Variants in TLN2 observed in about 807,000 individuals in gnomAD.
TLN2 encodes talin-2.
In TLN2, 118 loss-of-function variants were observed where a neutral mutation model predicts 294.7. That is an observed-to-expected ratio of 0.40 (90% CI 0.34 to 0.47). The LOEUF is 0.47. TLN2 is among the 20% of genes least tolerant of loss of function. The pLI is 0.84. For synonymous variants in TLN2, 1,431 were observed against 1,304.5 expected (o/e 1.10, Z -2.09); for missense variants, 3,083 against 3,282.2 (o/e 0.94, Z 1.48).
At chr15:62,632,414 T>C (rs182292014) in intron 3 of TLN2, among the ~76,000 whole-genome samples, 1 of 152,346 alleles carries the variant, frequency 6.6e-6, no homozygotes, top group African/African-American at 2.4e-5. Flanking sequence ...GGAAGGACTT[T>C]AGTGATCAGA....
chr15:62,501,629 AT>A (rs2039312944), intron 1 of TLN2, among the ~76,000 whole-genome samples: 1 of 152,154 alleles, frequency 6.6e-6, no homozygotes, highest in Admixed American at 6.5e-5. Context: ...TGGCTGACAA[AT>A]ATTTTTTGGA....
At chr15:62,724,570 C>T (rs2060333371) in intron 26 of TLN2, among the ~76,000 whole-genome samples, 1 of 152,124 alleles carries the variant, frequency 6.6e-6, no homozygotes, top group African/African-American at 2.4e-5. Context: ...CATAGACTTG[C>T]CCCCAGAGTC....
intron 1 of TLN2, among the ~76,000 whole-genome samples, chr15:62,494,392 A>G (rs1173260310): frequency 6.6e-6 from 1 of 152,122 alleles, no homozygotes; most frequent in Non-Finnish European, 1.5e-5. Flanking sequence ...GGATTTGTAC[A>G]TGGTGTTAAT....
intron 1 of TLN2, among the ~76,000 whole-genome samples, chr15:62,531,418 A>T (rs2041035127): frequency 6.6e-6 from 1 of 152,156 alleles, no homozygotes; most frequent in Non-Finnish European, 1.5e-5. Flanking sequence ...GGTTGGGGAG[A>T]TGATGGTCAA....
Position 62,511,229 on chromosome 15 carries a change from G to A in TLN2, c.-237-78458G>A, listed in dbSNP as rs57760593. ...GACATATGAACGTGGTAAAATATAC[G>A]GGCTTCCGATGAGTCTATTAGTGTG... On this transcript the variant is annotated intron_variant, in intron 1 of 58. Transcript: ENST00000636159. Among the ~76,000 whole-genome samples the A allele has an allele frequency of 3.3e-5, 5 of 152,114 alleles. No homozygotes were observed. The South Asian group carries it at 1.0e-3, about 32-fold the overall frequency.
At chr15:62,759,668 G>T (rs1168428963) in intron 37 of TLN2, among the ~76,000 whole-genome samples, 1 of 152,200 alleles carries the variant, frequency 6.6e-6, no homozygotes, top group Non-Finnish European at 1.5e-5. Context: ...CAGGAAGGGC[G>T]AGCAGCACCA....
chr15:62,412,079 T>C (rs1253351040), intron 1 of TLN2, among the ~76,000 whole-genome samples: 1 of 151,494 alleles, frequency 6.6e-6, no homozygotes. Context: ...ATCATAAGTC[T>C]CTTTGTCCCT....
intron 1 of TLN2, among the ~76,000 whole-genome samples, chr15:62,452,617 C>A (rs1472396177): frequency 6.6e-6 from 1 of 152,210 alleles, no homozygotes; most frequent in Non-Finnish European, 1.5e-5. Context: ...CCCTCCAGCC[C>A]TTGGCAACCA....
chr15:62,735,990 A>G (rs112784715), intron 28 of TLN2, among the ~76,000 whole-genome samples: 1,677 of 152,276 alleles, frequency 0.011, 26 homozygotes, highest in African/African-American at 0.037. Flanking sequence ...AAGAATATAT[A>G]TATGTGGTTC....
chr15:62,683,506 TCA>T (rs1197685979), intron 11 of TLN2, among the ~76,000 whole-genome samples: 13 of 137,924 alleles, frequency 9.4e-5, no homozygotes, highest in Non-Finnish European at 3.2e-5. Context: ...CTCCCGCCTC[TCA>T]TTGGTAGAAT....
intron 1 of TLN2, among the ~76,000 whole-genome samples, chr15:62,504,993 G>A (rs984633749): frequency 6.6e-6 from 1 of 152,100 alleles, no homozygotes; most frequent in Non-Finnish European, 1.5e-5. Context: ...GTCTCACTCT[G>A]TTCCCCAGGC....
At chr15:62,662,061 A>G (rs1036782016) in intron 9 of TLN2, among the ~76,000 whole-genome samples, 14 of 152,178 alleles carry the variant, frequency 9.2e-5, no homozygotes, top group African/African-American at 3.1e-4. Context: ...AACAAGATCA[A>G]AATAGAAGAA....
intron 1 of TLN2, among the ~76,000 whole-genome samples, chr15:62,519,362 C>G (rs1008402133): frequency 2.6e-5 from 4 of 152,130 alleles, no homozygotes; most frequent in Admixed American, 2.6e-4. Flanking sequence ...TTGGCCTGGA[C>G]CATGTTGATT....
At chr15:62,635,770 T>C (rs938592729) in intron 3 of TLN2, among the ~76,000 whole-genome samples, 2 of 152,204 alleles carry the variant, frequency 1.3e-5, no homozygotes, top group Non-Finnish European at 2.9e-5. Context: ...TAGTTCAGTG[T>C]ATGACATATA....
chr15:62,494,090 G>A (rs979537146), intron 1 of TLN2, among the ~76,000 whole-genome samples: 1 of 152,168 alleles, frequency 6.6e-6, no homozygotes, highest in Non-Finnish European at 1.5e-5. Context: ...GAGACTGGCT[G>A]TGGTAGTTTT....
intron 50 of TLN2, among the ~76,000 whole-genome samples, chr15:62,804,889 T>C (rs1222897421): frequency 6.6e-6 from 1 of 150,866 alleles, no homozygotes; most frequent in Non-Finnish European, 1.5e-5. Flanking sequence ...CAGAGGCACA[T>C]TCAGCACATA....
chr15:62,522,257 C>G (rs2040498085), intron 1 of TLN2, among the ~76,000 whole-genome samples: 1 of 152,140 alleles, frequency 6.6e-6, no homozygotes, highest in Non-Finnish European at 1.5e-5. Context: ...GAAATAATCC[C>G]TCTTCTATTT....
At chr15:62,595,280 C>T (rs996030529) in intron 2 of TLN2, among the ~76,000 whole-genome samples, 6 of 151,918 alleles carry the variant, frequency 3.9e-5, no homozygotes, top group Non-Finnish European at 7.4e-5. Flanking sequence ...ATTAACCAGA[C>T]GTGGTGGTGG....
intron 1 of TLN2, among the ~76,000 whole-genome samples, chr15:62,418,375 G>C (rs946783259): frequency 2.2e-4 from 34 of 152,190 alleles, no homozygotes; most frequent in Admixed American, 5.9e-4. Flanking sequence ...TATAGCTTCT[G>C]ATAATTAAGA....
Sources: allele counts gnomAD v4.1 joint callset (sites outside exome capture counted in the v4.1 genomes callset), GRCh38; gene constraint gnomAD v4.1.1; transcripts MANE v1.5; gene names NCBI Gene and HGNC (gene_info 2026-07-23, HGNC 2026-07-21).